Variants in ZNF385D observed in about 807,000 individuals in gnomAD.
ZNF385D encodes zinc finger protein 659.
In ZNF385D, 15 loss-of-function variants were observed where a neutral mutation model predicts 35.8. The ratio of observed to expected loss-of-function variants is 0.42; its 90% confidence interval spans 0.28 to 0.64. The LOEUF is 0.64. ZNF385D is among the 30% of genes least tolerant of loss of function. The pLI is 0.23. For synonymous variants in ZNF385D, 212 were observed against 186.8 expected (o/e 1.13, Z -1.10); for missense variants, 474 against 494.6 (o/e 0.96, Z 0.39).
intron 4 of ZNF385D, among the ~76,000 whole-genome samples, chr3:21,506,422 C>G (rs1706783915): frequency 6.6e-6 from 1 of 152,044 alleles, no homozygotes; most frequent in Non-Finnish European, 1.5e-5. Flanking sequence ...CCTAGCCTAA[C>G]CTAACTGATA....
intron 3 of ZNF385D, among the ~76,000 whole-genome samples, chr3:22,072,536 A>G (rs1335209566): frequency 6.6e-6 from 1 of 151,966 alleles, no homozygotes; most frequent in Admixed American, 6.6e-5. Context: ...TCTTCTATGG[A>G]GATTGGTTAT....
chr3:21,584,491 G>A (rs1227936799), intron 2 of ZNF385D, among the ~76,000 whole-genome samples: 1 of 152,084 alleles, frequency 6.6e-6, no homozygotes, highest in African/African-American at 2.4e-5. Flanking sequence ...TAGCCAAAAG[G>A]CCGAGAAGCT....
At chr3:22,111,152 A>ATTTTTTTTTTTTTT (rs61708178) in intron 3 of ZNF385D, among the ~76,000 whole-genome samples, 20 of 68,966 alleles carry the variant, frequency 2.9e-4, no homozygotes, top group South Asian at 5.6e-4. Context: ...TCCATGTTGG[A>ATTTTTTTTTTTTTT]TTTTTTTTTT....
chr3:21,942,659 A>G (rs1458521373), intron 3 of ZNF385D: 1 of 152,174 alleles, frequency 6.6e-6, no homozygotes, highest in African/African-American at 2.4e-5. Flanking sequence ...ATAATAAGGA[A>G]CCATGGTAAG....
chr3:22,339,678 C>G (rs1394159810), intron 2 of ZNF385D, among the ~76,000 whole-genome samples: 2 of 152,144 alleles, frequency 1.3e-5, no homozygotes, highest in Non-Finnish European at 2.9e-5. Context: ...TTTAGTTTCC[C>G]AAATTTCTGA....
At chr3:22,214,906 C>G (rs1417808259) in intron 2 of ZNF385D, among the ~76,000 whole-genome samples, 1 of 151,850 alleles carries the variant, frequency 6.6e-6, no homozygotes, top group African/African-American at 2.4e-5. Context: ...ATGTCTGTGA[C>G]CCACACCCTA....
At chr3:21,482,029 G>A (rs1704665263) in intron 4 of ZNF385D, among the ~76,000 whole-genome samples, 1 of 151,910 alleles carries the variant, frequency 6.6e-6, no homozygotes, top group African/African-American at 2.4e-5. Context: ...GTTTTTTTCT[G>A]ACCTTCAATA....
chr3:21,593,337 C>T (rs745734123), intron 2 of ZNF385D, among the ~76,000 whole-genome samples: 25 of 152,180 alleles, frequency 1.6e-4, no homozygotes, highest in Admixed American at 4.6e-4. Flanking sequence ...CATTGCCTCA[C>T]TTCCTAGACA....
At chr3:21,861,356 G>A (rs770635039) in intron 3 of ZNF385D, among the ~76,000 whole-genome samples, 5 of 152,118 alleles carry the variant, frequency 3.3e-5, no homozygotes, top group Non-Finnish European at 7.4e-5. Flanking sequence ...GGCATCCATT[G>A]TTGCTCATAA....
intron 3 of ZNF385D, among the ~76,000 whole-genome samples, chr3:21,867,857 C>T (rs146069085): frequency 0.012 from 1,837 of 152,120 alleles, 10 homozygotes; most frequent in Non-Finnish European, 0.019. Context: ...TCACATGTCA[C>T]TCTTGAACAC....
At chr3:22,066,795 A>G (rs1311657501) in intron 3 of ZNF385D, among the ~76,000 whole-genome samples, 2 of 152,100 alleles carry the variant, frequency 1.3e-5, no homozygotes, top group African/African-American at 4.8e-5. Flanking sequence ...AGATGTGTCT[A>G]TTTCTGGAAG....
intron 3 of ZNF385D, among the ~76,000 whole-genome samples, chr3:22,004,767 C>A (rs1274071749): frequency 1.3e-5 from 2 of 152,266 alleles, no homozygotes; most frequent in East Asian, 3.9e-4. Flanking sequence ...AGAATGCAAC[C>A]TTTTGTCCTT....
intron 3 of ZNF385D, among the ~76,000 whole-genome samples, chr3:22,001,532 T>C (rs1347954311): frequency 6.6e-6 from 1 of 152,078 alleles, no homozygotes; most frequent in Non-Finnish European, 1.5e-5. Flanking sequence ...CCAATTTCAA[T>C]TTTAGTTGGG....
intron 3 of ZNF385D, among the ~76,000 whole-genome samples, chr3:21,890,532 T>G (rs1295346912): frequency 6.6e-6 from 1 of 152,014 alleles, no homozygotes; most frequent in Admixed American, 6.6e-5. Flanking sequence ...GGCAGGAGAA[T>G]TGCTGGAACC....
intron 3 of ZNF385D, among the ~76,000 whole-genome samples, chr3:21,761,348 A>C (rs560785304): frequency 6.6e-5 from 10 of 152,302 alleles, no homozygotes; most frequent in Admixed American, 5.9e-4. Flanking sequence ...AATTTGGGGT[A>C]ATATTTTTTA....
At chr3:22,065,745 A>C (rs1370640355) in intron 3 of ZNF385D, among the ~76,000 whole-genome samples, 2 of 152,174 alleles carry the variant, frequency 1.3e-5, no homozygotes, top group Non-Finnish European at 2.9e-5. Flanking sequence ...GCATAAAAAA[A>C]CCAGCACATA....
intron 3 of ZNF385D, among the ~76,000 whole-genome samples, chr3:22,042,023 T>G (rs941332764): frequency 2.6e-5 from 4 of 152,182 alleles, no homozygotes; most frequent in Non-Finnish European, 5.9e-5. Context: ...TGTGTTTTAA[T>G]AGGAGAAACA....
chr3:21,704,492 T>G (rs1575495307), intron 1 of ZNF385D, among the ~76,000 whole-genome samples: 1 of 151,662 alleles, frequency 6.6e-6, no homozygotes, highest in African/African-American at 2.4e-5. Flanking sequence ...AATCTGATAT[T>G]ATTTATTTTA....
intron 1 of ZNF385D, among the ~76,000 whole-genome samples, chr3:21,719,027 T>A (rs2068433589): frequency 1.3e-5 from 2 of 152,224 alleles, no homozygotes; most frequent in Admixed American, 6.5e-5. Flanking sequence ...GCCCAAGATA[T>A]GCTAATTTTC....
Sources: allele counts gnomAD v4.1 joint callset (sites outside exome capture counted in the v4.1 genomes callset), GRCh38; gene constraint gnomAD v4.1.1; transcripts MANE v1.5; gene names NCBI Gene and HGNC (gene_info 2026-07-23, HGNC 2026-07-21).